Variants in GGNBP2 observed in about 807,000 individuals in gnomAD.
GGNBP2 encodes gametogenetin binding protein 2, also known as gametogenetin-binding protein 2.
GGNBP2 carries 10 observed loss-of-function variants against 85.9 expected under a neutral mutation model. The ratio of observed to expected loss-of-function variants is 0.12; its 90% CI spans 0.07 to 0.20. The LOEUF is 0.20. GGNBP2 is among the 10% of genes least tolerant of loss of function. GGNBP2 has a pLI of 1.00. For missense variants in GGNBP2, 595 were observed against 857.8 expected (o/e 0.69, Z 3.83); for synonymous variants, 287 against 285.7 (o/e 1.00, Z -0.05).
In GGNBP2 at chr17:36,579,389, T is replaced by C. The variant is rs2074622691; in HGVS notation, c.990T>C (p.Leu330=). The change falls in exon 8 of 14, where the codon CTT becomes CTC. Residue 330 remains leucine (L), a synonymous_variant. Transcript: ENST00000613102. ...EEQTWQMLFY[L]GVDALRKSFE... is the part of the protein sequence containing the mutation. The stretch of plus-strand genomic sequence containing the variant: ...AGACATGGCAGATGCTTTTCTATCT[T>C]GGTGTTGATGCTTTACGCAAGAGTT... 6.2e-7 allele frequency: 1 copy of C among 1,614,184 alleles called. No homozygotes were observed. Among genetic ancestry groups the C allele is most frequent in the Non-Finnish European group, 8.5e-7 (1 of 1,180,022 alleles).
In GGNBP2 at chr17:36,585,560, A is replaced by T. The variant is rs1043739067; in HGVS notation, c.1366+110A>T. 2.5e-5 allele frequency: 19 copies of T among 750,466 alleles called. No homozygotes were observed. In the African/African-American group the frequency reaches 3.4e-4, roughly 14 times the overall value. The allele number at this position is 750,466 out of a possible 1,614,324, so 46.5% of individuals were successfully genotyped here. ...AGCTAGAATTTTAAAACTGCTTTAT[A>T]GTTCCAAGAATATCATATAATTTAG... On this transcript the variant is annotated intron_variant, in intron 10 of 13. Coordinates refer to ENST00000613102, the MANE Select transcript of GGNBP2 (RefSeq NM_024835.5).
chr17:36,562,210 C>A (rs903521045), intron 5 of GGNBP2, among the ~76,000 whole-genome samples: 2 of 152,158 alleles, frequency 1.3e-5, no homozygotes, highest in Non-Finnish European at 2.9e-5. Flanking sequence ...CTCTGTCACT[C>A]AGGCTGGAGT....
chr17:36,570,194 A>G (rs576131105), intron 6 of GGNBP2, among the ~76,000 whole-genome samples: 1 of 152,080 alleles, frequency 6.6e-6, no homozygotes, highest in East Asian at 1.9e-4. Context: ...CCTAGACAAC[A>G]TGGTAAAACC....
chr17:36,583,458 AGGAAAAG>A, intron 9 of GGNBP2, among the ~76,000 whole-genome samples: 1 of 152,128 alleles, frequency 6.6e-6, no homozygotes, highest in South Asian at 2.1e-4. Context: ...ATTATATGGT[AGGAAAAG>A]TATTTTATTT....
chr17:36,570,300 C>G (rs899777908), intron 6 of GGNBP2, among the ~76,000 whole-genome samples: 52 of 152,174 alleles, frequency 3.4e-4, no homozygotes, highest in African/African-American at 1.1e-3. Flanking sequence ...ATCACTTGAG[C>G]CCAGGAGGTT....
At chr17:36,570,216 A>G (rs916350768) in intron 6 of GGNBP2, among the ~76,000 whole-genome samples, 3 of 152,084 alleles carry the variant, frequency 2.0e-5, no homozygotes, top group Non-Finnish European at 2.9e-5. Context: ...CGTCTCTACA[A>G]AAAAGCAGAA....
At chr17:36,570,105 TG>T (rs1555606524) in intron 6 of GGNBP2, among the ~76,000 whole-genome samples, 2 of 152,300 alleles carry the variant, frequency 1.3e-5, no homozygotes, top group East Asian at 3.9e-4. Flanking sequence ...AGGCTGGGCA[TG>T]GTGGCTCACA....
intron 4 of GGNBP2, among the ~76,000 whole-genome samples, chr17:36,560,410 G>C (rs968958191): frequency 1.3e-5 from 2 of 152,164 alleles, no homozygotes. Context: ...ATAATGTTTT[G>C]TGAGGTTTTT....
chr17:36,559,019 G>T (rs536680124), intron 4 of GGNBP2, among the ~76,000 whole-genome samples: 25 of 152,206 alleles, frequency 1.6e-4, no homozygotes, highest in African/African-American at 6.0e-4. Flanking sequence ...TGGACAACAG[G>T]CCTTGCGTGG....
At chr17:36,567,556 AG>A (rs1409497596) in intron 5 of GGNBP2, 106 bp from the exon 6 acceptor site, 2 of 638,578 alleles carry the variant, frequency 3.1e-6, no homozygotes, top group Non-Finnish European at 5.6e-6. Flanking sequence ...GGACGTTTCC[AG>A]GGAACAGCCA....
Position 36,560,801 on chromosome 17 carries a change from A to C in GGNBP2, c.457A>C (p.Ile153Leu). 3.1e-6 allele frequency: 5 copies of C among 1,595,618 alleles called. No homozygotes were observed. The highest frequency in any genetic ancestry group is 1.3e-5 in the African/African-American group (1 of 74,186). ...CAAACTAAATGACATGATAGATGCT[A>C]TTCCAAAAAGTAAGAAGAATAAGAG... is the stretch of plus-strand genomic sequence containing the variant. The part of the protein sequence containing the change: ...GSKLNDMIDA[I>L]PKSKKNKRCQ... The change falls in exon 5 of 14, where the codon ATT becomes CTT. Residue 153 changes from isoleucine to leucine, a missense_variant. Ile to Leu is a conservative substitution (Grantham distance 5). Around this residue, in one of 9 missense-constraint regions of GGNBP2, gnomAD observed 216 missense variants for 293.4 expected, o/e 0.74. Coordinates refer to ENST00000613102, the MANE Select transcript of GGNBP2 (RefSeq NM_024835.5).
At chr17:36,556,783 G>A (rs2074366453) in intron 3 of GGNBP2, among the ~76,000 whole-genome samples, 1 of 73,402 alleles carries the variant, frequency 1.4e-5, no homozygotes, top group African/African-American at 5.0e-5. Context: ...TTTTTTTTGT[G>A]AGAGGACTGG....
intron 3 of GGNBP2, 42 bp downstream of exon 3, chr17:36,554,942 A>AT: frequency 8.7e-7 from 1 of 1,151,620 alleles, no homozygotes; most frequent in Non-Finnish European, 1.3e-6. Flanking sequence ...GTGTATGTGT[A>AT]TTTTAAAGAC....
chr17:36,562,642 T>A (rs1362115898), intron 5 of GGNBP2, among the ~76,000 whole-genome samples: 1 of 151,784 alleles, frequency 6.6e-6, no homozygotes, highest in Non-Finnish European at 1.5e-5. Context: ...TTAAGTTTTT[T>A]TCCCCTATAC....
chr17:36,562,221 G>C (rs905134070), intron 5 of GGNBP2, among the ~76,000 whole-genome samples: 11 of 151,910 alleles, frequency 7.2e-5, no homozygotes, highest in African/African-American at 2.7e-4. Flanking sequence ...AGGCTGGAGT[G>C]CAGTGGTACG....
At chr17:36,574,212 C>T (rs1555607306) in intron 6 of GGNBP2, among the ~76,000 whole-genome samples, 1 of 151,976 alleles carries the variant, frequency 6.6e-6, no homozygotes, top group Admixed American at 6.6e-5. Context: ...TACTGCGTTG[C>T]AGATCAAGTA....
chr17:36,585,556 T>C, intron 10 of GGNBP2, 106 bp downstream of exon 10: 1 of 780,648 alleles, frequency 1.3e-6, no homozygotes, highest in Non-Finnish European at 2.1e-6. Flanking sequence ...TAAAACTGCT[T>C]TATAGTTCCA....
At chr17:36,588,453 T>TC (rs1443285481) in intron 13 of GGNBP2, among the ~76,000 whole-genome samples, 1 of 152,072 alleles carries the variant, frequency 6.6e-6, no homozygotes, top group East Asian at 1.9e-4. Context: ...GATGGGTTTC[T>TC]CCATGTTGGT....
chr17:36,568,366 G>A (rs187993726), intron 6 of GGNBP2, among the ~76,000 whole-genome samples: 103 of 151,914 alleles, frequency 6.8e-4, no homozygotes, highest in African/African-American at 2.3e-3. Context: ...GCGAGACCTC[G>A]GATCACTGTT....
Sources: gnomAD v4.1 joint callset for allele counts (sites outside exome capture counted in the v4.1 genomes callset) on GRCh38, gnomAD v4.1.1 for gene constraint, gnomAD v4.1.1 regional missense constraint, MANE v1.5 for transcripts, NCBI Gene and HGNC (gene_info 2026-07-23, HGNC 2026-07-21) for gene names.